Variants in TBCD observed in about 807,000 individuals in gnomAD.
TBCD encodes the protein tubulin folding cofactor D.
In TBCD, 105 loss-of-function variants were observed where a neutral mutation model predicts 169.3. That is an observed-to-expected ratio of 0.62 (90% CI 0.53 to 0.73). The LOEUF (loss-of-function observed/expected upper bound fraction) is 0.73. Ranked by LOEUF, TBCD falls within the 30% of genes least tolerant of loss-of-function variation. The pLI is 0.00. For missense variants in TBCD, 1,444 were observed against 1,600.1 expected, an observed-to-expected ratio of 0.90 and a Z score of 1.66; for synonymous variants, 700 against 643.9, an observed-to-expected ratio of 1.09 and a Z score of -1.32.
At chr17:82,919,402 T>C (rs1343497000) in intron 23 of TBCD, among the ~76,000 whole-genome samples, 5 of 152,060 alleles carry the variant, frequency 3.3e-5, no homozygotes, top group African/African-American at 1.2e-4. Flanking sequence ...CATGTGTAGG[T>C]TGGTAGGGAA....
At chr17:82,876,222 AAG>A (rs1415614641) in intron 14 of TBCD, among the ~76,000 whole-genome samples, 5 of 152,216 alleles carry the variant, frequency 3.3e-5, no homozygotes, top group Non-Finnish European at 5.9e-5. Context: ...TCGGACAGGA[AAG>A]AGAATCCCTT....
chr17:82,878,569 G>A (rs2058128545), intron 14 of TBCD, among the ~76,000 whole-genome samples: 1 of 151,656 alleles, frequency 6.6e-6, no homozygotes, highest in African/African-American at 2.4e-5. Flanking sequence ...GTGTGCTGTT[G>A]GGCCCATATA....
chr17:82,829,112 C>G (rs905458177), intron 13 of TBCD, among the ~76,000 whole-genome samples: 1 of 151,504 alleles, frequency 6.6e-6, no homozygotes, highest in Admixed American at 6.6e-5. Context: ...GCACCCCCCA[C>G]AGATATGCAC....
intron 15 of TBCD, among the ~76,000 whole-genome samples, chr17:82,885,212 C>T (rs1177099214): frequency 2.0e-5 from 3 of 151,012 alleles, no homozygotes; most frequent in Non-Finnish European, 3.0e-5. Context: ...TGGGACCAGG[C>T]GGAAGGGGTG....
chr17:82,855,983 TC>T (rs151105006), intron 13 of TBCD, among the ~76,000 whole-genome samples: 2,739 of 114,048 alleles, frequency 0.024, 137 homozygotes, highest in African/African-American at 0.088. Flanking sequence ...ATGGGTAGAC[TC>T]CCCCCCCACT....
intron 7 of TBCD, among the ~76,000 whole-genome samples, chr17:82,787,981 A>G (rs1217437207): frequency 6.6e-6 from 1 of 152,232 alleles, no homozygotes; most frequent in Non-Finnish European, 1.5e-5. Context: ...TCATGCCGGT[A>G]ATCCCAGCGC....
chr17:82,842,135 C>T (rs973666106), intron 13 of TBCD, among the ~76,000 whole-genome samples: 14 of 152,210 alleles, frequency 9.2e-5, no homozygotes, highest in East Asian at 1.9e-4. Context: ...GTCTGCGCTA[C>T]GACTCCCTCT....
At position 82,835,482 on chromosome 17, in the gene TBCD, G is replaced by GTGCGATCTCGGTTCAC. The variant is rs1170421309; in HGVS notation, c.1318+20552_1318+20567dup. Among the ~76,000 whole-genome samples the GTGCGATCTCGGTTCAC allele has an allele frequency of 6.6e-6, 1 of 152,168 alleles. No individual in the cohort carries two copies. The highest frequency in any genetic ancestry group is 1.5e-5 in the Non-Finnish European group (1 of 68,028). On this transcript the variant is annotated intron_variant, in intron 13 of 38. Transcript: ENST00000355528. This position sits in a 1 kb window ranked among gnomAD's most constrained non-coding sequence, Gnocchi z 4.5. Reference sequence around the variant, plus strand: ...TTGTTGCCCAGGCTGGAGGGCAGTGGTGCGATCTCGGTTCACTGCAACCTC... The same window carrying GTGCGATCTCGGTTCAC: ...TTGTTGCCCAGGCTGGAGGGCAGTGGTGCGATCTCGGTTCACTGCGATCTCGGTTCACTGCAACCTC...
chr17:82,840,954 G>GTTTTTTT (rs1295995328), intron 13 of TBCD, among the ~76,000 whole-genome samples: 10 of 44,278 alleles, frequency 2.3e-4, no homozygotes, highest in Non-Finnish European at 3.7e-4. Context: ...AGACAAACTG[G>GTTTTTTT]TTTTTTTTTT....
rs2060054907 is a variant in TBCD, at chr17:82,903,862, C to T, written c.1804+384C>T. ...CTCTAGGTGGCTCGCACCTGCCACA[C>T]GACACTCCCTGGTCTCTAGGTGGCT... On this transcript the variant is annotated intron_variant, in intron 19 of 38. Transcript: ENST00000355528. The surrounding 1 kb of genome is among the most constrained non-coding windows in gnomAD (Gnocchi z 4.8). 2.5e-4 allele frequency among the ~76,000 whole-genome samples: 1 copy of T among 3,924 alleles called. No individual in the cohort carries two copies. Among genetic ancestry groups the T allele is most frequent in the African/African-American group, 1.6e-3 (1 of 626 alleles). 2.6% of individuals were successfully genotyped at this position (3,924 alleles called of 152,430 possible).
chr17:82,781,326 A>G (rs1598460541), intron 6 of TBCD, among the ~76,000 whole-genome samples: 62 of 118,204 alleles, frequency 5.2e-4, no homozygotes, highest in South Asian at 9.6e-4. Flanking sequence ...GCGGGGGGGG[A>G]TGGGCAGTAG....
At chr17:82,846,316 CAGCGTG>C (rs2055090303) in intron 13 of TBCD, among the ~76,000 whole-genome samples, 10 of 146,052 alleles carry the variant, frequency 6.8e-5, no homozygotes, top group Admixed American at 1.3e-4. Flanking sequence ...GTGCTGCGTC[CAGCGTG>C]CCGTGTCCTC....
At chr17:82,877,661 A>G (rs1043995164) in intron 14 of TBCD, among the ~76,000 whole-genome samples, 1 of 152,212 alleles carries the variant, frequency 6.6e-6, no homozygotes, top group African/African-American at 2.4e-5. Context: ...ACTTTTAGTT[A>G]TTAGAAGATC....
chr17:82,839,553 A>C (rs1051684326), intron 13 of TBCD, among the ~76,000 whole-genome samples: 1 of 152,242 alleles, frequency 6.6e-6, no homozygotes, highest in African/African-American at 2.4e-5. Context: ...CCTAATGTAC[A>C]TACACCACAC....
chr17:82,775,818 C>G (rs1451581900), intron 6 of TBCD, among the ~76,000 whole-genome samples: 1 of 151,704 alleles, frequency 6.6e-6, no homozygotes, highest in Non-Finnish European at 1.5e-5. Context: ...GTGCAGCACA[C>G]CAGCATGGCA....
Position 82,858,773 on chromosome 17 carries a change from T to C in TBCD, c.1319-11451T>C, listed in dbSNP as rs115050625. On this transcript the variant is annotated intron_variant, in intron 13 of 38. Transcript: ENST00000355528. ...AGGGCCTGTCGGTGTGAACGGGCCC[T>C]GCTCAGCCGGTCCATGGCTGTCTTA... The C allele has an allele frequency of 6.1e-3, 3,205 of 526,240 alleles. 118 individuals are homozygous for C. In the African/African-American group the frequency reaches 0.061, roughly 10 times the overall value. The allele number at this position is 526,240 out of a possible 1,614,324, so 32.6% of individuals were successfully genotyped here. A position where few individuals can be genotyped will look rare whatever the true frequency, so the allele number is the denominator to read the frequency against.
At chr17:82,940,788 C>T (rs2063141101) in intron 37 of TBCD, among the ~76,000 whole-genome samples, 2 of 152,046 alleles carry the variant, frequency 1.3e-5, no homozygotes, top group South Asian at 2.1e-4. Context: ...GCATTCTGGA[C>T]CAGATTCTAA....
chr17:82,903,212 G>A lies in TBCD; in HGVS notation c.1731-193G>A, dbSNP rs77435389. 0.022 allele frequency among the ~76,000 whole-genome samples: 3,394 copies of A among 152,272 alleles called. 142 individuals carry two copies. The highest frequency in any genetic ancestry group is 0.078 in the African/African-American group (3,220 of 41,532). On this transcript the variant is annotated intron_variant, in intron 18 of 38. Coordinates refer to ENST00000355528, the MANE Select transcript of TBCD (RefSeq NM_005993.5). The surrounding 1 kb of genome is among the most constrained non-coding windows in gnomAD (Gnocchi z 4.8). ...GAACCGTGGTTAGCCGTGTGACCTC[G>A]CTGTTGTAGACTGTCCTTGTCGTCT...
rs370853897 is a variant in TBCD at position 82,930,992 on chromosome 17, C to T, written c.3113+349C>T. On this transcript the variant is annotated intron_variant, in intron 33 of 38. Transcript: ENST00000355528. This position sits in a 1 kb window ranked among gnomAD's most constrained non-coding sequence, Gnocchi z 5.2. The stretch of plus-strand genomic sequence containing the variant: ...CTTGGTGCTCCCACGGACGTGCTTG[C>T]GGACGCTCATCAGCCACCCGGCAAG... 2.6e-5 allele frequency among the ~76,000 whole-genome samples: 4 copies of T among 152,356 alleles called. No individual in the cohort carries two copies. The highest frequency in any genetic ancestry group is 6.8e-3 in the Middle Eastern group (2 of 294).
Sources: gnomAD v4.1 joint callset for allele counts (sites outside exome capture counted in the v4.1 genomes callset) on GRCh38, gnomAD v4.1.1 for gene constraint, Gnocchi (gnomAD v3.1) non-coding constraint, MANE v1.5 for transcripts, NCBI Gene and HGNC (gene_info 2026-07-23, HGNC 2026-07-21) for gene names.